XKR6: variants seen among roughly 807,000 people sequenced by gnomAD.
XKR6 encodes XK-related protein 6.
XKR6 carries 22 observed loss-of-function variants against 56.7 expected under a neutral mutation model. The ratio of observed to expected loss-of-function variants is 0.39; its 90% CI spans 0.28 to 0.55. The LOEUF (loss-of-function observed/expected upper bound fraction) is 0.55. XKR6 is among the 20% of genes least tolerant of loss of function. The probability of loss-of-function intolerance (pLI) is 0.66; values close to 1 mark genes in which losing one functional copy is unlikely to be tolerated. For missense variants in XKR6, 852 were observed against 889.0 expected (o/e 0.96, Z 0.53); for synonymous variants, 524 against 387.8 (o/e 1.35, Z -4.13).
At chr8:10,911,538 AAT>A (rs200844309) in intron 2 of XKR6, among the ~76,000 whole-genome samples, 6 of 145,490 alleles carry the variant, frequency 4.1e-5, no homozygotes, top group Admixed American at 1.4e-4. Flanking sequence ...AGAGGGGGTG[AAT>A]ATATATATAT....
chr8:10,984,277 A>G (rs1485951085), intron 1 of XKR6, among the ~76,000 whole-genome samples: 2 of 152,188 alleles, frequency 1.3e-5, no homozygotes, highest in Non-Finnish European at 2.9e-5. Context: ...AATCAAAATA[A>G]AACTCTTTAT....
intron 1 of XKR6, among the ~76,000 whole-genome samples, chr8:10,932,023 G>A (rs1432501939): frequency 2.6e-5 from 4 of 152,034 alleles, no homozygotes; most frequent in Non-Finnish European, 4.4e-5. Context: ...TTTTTTAAAT[G>A]GGCACAAGAT....
At chr8:11,199,284 T>TCTA (rs945739821) in intron 1 of XKR6, among the ~76,000 whole-genome samples, 2 of 152,228 alleles carry the variant, frequency 1.3e-5, no homozygotes, top group African/African-American at 4.8e-5. Flanking sequence ...AGTTATTGCA[T>TCTA]CTACTCTCAT....
At chr8:10,987,453 T>C (rs1228407745) in intron 1 of XKR6, among the ~76,000 whole-genome samples, 1 of 152,198 alleles carries the variant, frequency 6.6e-6, no homozygotes, top group Non-Finnish European at 1.5e-5. Flanking sequence ...ATCCAATGTA[T>C]TATCACATAC....
intron 1 of XKR6, among the ~76,000 whole-genome samples, chr8:11,027,042 T>C (rs1163193811): frequency 2.0e-5 from 3 of 152,188 alleles, no homozygotes; most frequent in African/African-American, 7.2e-5. Context: ...CACACCTAAA[T>C]GCTCTGGCCT....
intron 1 of XKR6, among the ~76,000 whole-genome samples, chr8:11,043,632 C>A (rs1799338862): frequency 6.6e-6 from 1 of 152,226 alleles, no homozygotes; most frequent in African/African-American, 2.4e-5. Flanking sequence ...GTGTTCCCAC[C>A]TGAGAACTAA....
At chr8:10,968,489 G>T (rs1253059370) in intron 1 of XKR6, among the ~76,000 whole-genome samples, 1 of 152,294 alleles carries the variant, frequency 6.6e-6, no homozygotes, top group African/African-American at 2.4e-5. Context: ...AGACAGTGTC[G>T]TGGGCTCCTC....
At chr8:10,911,598 T>C (rs1197662294) in intron 2 of XKR6, among the ~76,000 whole-genome samples, 1 of 139,942 alleles carries the variant, frequency 7.1e-6, no homozygotes, top group Non-Finnish European at 1.5e-5. Flanking sequence ...AGAGAGAGGG[T>C]GAGATTGCAC....
At chr8:10,906,731 A>C (rs1800198785) in intron 2 of XKR6, among the ~76,000 whole-genome samples, 2 of 152,148 alleles carry the variant, frequency 1.3e-5, no homozygotes, top group Non-Finnish European at 2.9e-5. Context: ...CTCCAGATGG[A>C]CCCTTAAGAA....
intron 1 of XKR6, among the ~76,000 whole-genome samples, chr8:11,008,321 G>A (rs1480489861): frequency 3.3e-5 from 5 of 151,992 alleles, no homozygotes; most frequent in African/African-American, 1.2e-4. Context: ...CAGGTAGGCA[G>A]TGCATGAAAA....
At chr8:10,986,183 T>C (rs73662660) in intron 1 of XKR6, among the ~76,000 whole-genome samples, 8,917 of 152,054 alleles carry the variant, frequency 0.059, 725 homozygotes, top group African/African-American at 0.18. Flanking sequence ...ATCAGAGGAG[T>C]AGATTATTTA....
At chr8:11,157,765 T>A (rs567113272) in intron 1 of XKR6, among the ~76,000 whole-genome samples, 19 of 152,338 alleles carry the variant, frequency 1.2e-4, no homozygotes, top group Middle Eastern at 3.4e-3. Flanking sequence ...TCCTTCCATC[T>A]TGGCCTCCGA....
intron 1 of XKR6, among the ~76,000 whole-genome samples, chr8:11,052,823 G>C (rs12115017): frequency 6.6e-6 from 1 of 151,430 alleles, no homozygotes; most frequent in African/African-American, 2.4e-5. Context: ...GGATTCCTCT[G>C]CTGCCCGCCG....
At chr8:11,066,816 T>A (rs1383415409) in intron 1 of XKR6, 1 of 152,108 alleles carries the variant, frequency 6.6e-6, no homozygotes, top group African/African-American at 2.4e-5. Flanking sequence ...TCTCCCCACC[T>A]GCAACAGGCT....
At chr8:10,942,624 T>G (rs575376283) in intron 1 of XKR6, among the ~76,000 whole-genome samples, 94 of 152,342 alleles carry the variant, frequency 6.2e-4, no homozygotes, top group Middle Eastern at 3.4e-3. Context: ...AATTACGAAG[T>G]AAGCACTATG....
chr8:10,949,279 C>A (rs574678508), intron 1 of XKR6, among the ~76,000 whole-genome samples: 8 of 152,372 alleles, frequency 5.3e-5, no homozygotes, highest in African/African-American at 1.7e-4. Context: ...TCTTACGGGC[C>A]AGCTTAGTGG....
rs1189212856 is a variant in XKR6, at chr8:11,200,645, C to A, written c.695G>T (p.Arg232Leu). The A allele has an allele frequency of 1.3e-6, 2 of 1,552,542 alleles. No homozygotes were observed. Among genetic ancestry groups the A allele is most frequent in the East Asian group, 2.4e-5 (1 of 41,756 alleles). ...VRVSPTPGAQ[R>L]LCRLSVWIWQ... is the part of the protein sequence containing the mutation. ...GATCCACACGGAGAGGCGACACAGG[C>A]GCTGCGCCCCCGGCGTGGGGGAGAC... is the stretch of plus-strand genomic sequence containing the variant. Residue 232 changes from arginine (R) to leucine (L), a missense_variant, in exon 1 of 3, where the codon CGC (arginine) becomes CTC (leucine). Transcript: ENST00000416569. This position sits in a 1 kb window ranked among gnomAD's most constrained non-coding sequence, Gnocchi z 6.4.
At chr8:11,160,920 A>AAAAAAAAAAAAAAAAAAAAAAAG in intron 1 of XKR6, among the ~76,000 whole-genome samples, 1 of 151,184 alleles carries the variant, frequency 6.6e-6, no homozygotes, top group African/African-American at 2.4e-5. Context: ...TCAAAAAAAA[A>AAAAAAAAAAAAAAAAAAAAAAAG]AAAAAAAAAA....
chr8:10,923,398 T>C (rs970487861), intron 2 of XKR6, among the ~76,000 whole-genome samples: 1 of 152,164 alleles, frequency 6.6e-6, no homozygotes, highest in Admixed American at 6.5e-5. Flanking sequence ...AGATGGGACA[T>C]GAGGCTTCAC....
Sources: allele counts gnomAD v4.1 joint callset (sites outside exome capture counted in the v4.1 genomes callset), GRCh38; gene constraint gnomAD v4.1.1; non-coding constraint Gnocchi (gnomAD v3.1); transcripts MANE v1.5; gene names NCBI Gene and HGNC (gene_info 2026-07-23, HGNC 2026-07-21).